Variants in PCSK2 observed in about 807,000 individuals in gnomAD.
The protein encoded by PCSK2 is neuroendocrine convertase 2.
In PCSK2, 14 loss-of-function variants were observed where a neutral mutation model predicts 69.7. The observed-to-expected ratio is 0.20, with a 90% confidence interval of 0.13 to 0.31. The LOEUF is 0.31. Ranked by LOEUF, PCSK2 falls within the 10% of genes least tolerant of loss-of-function variation. The probability of loss-of-function intolerance (pLI) is 1.00; values close to 1 mark genes in which losing one functional copy is unlikely to be tolerated. For missense variants in PCSK2, 544 were observed against 842.5 expected, an observed-to-expected ratio of 0.65 and a Z score of 4.39; for synonymous variants, 307 against 320.7, an observed-to-expected ratio of 0.96 and a Z score of 0.46.
At chr20:17,412,834 C>A (rs1038576580) in intron 6 of PCSK2, among the ~76,000 whole-genome samples, 29 of 152,202 alleles carry the variant, frequency 1.9e-4, no homozygotes, top group Non-Finnish European at 3.4e-4. Context: ...GCAGATCTCT[C>A]AGCAGAAACC....
At chr20:17,435,274 T>C (rs1011669326) in intron 7 of PCSK2, among the ~76,000 whole-genome samples, 1 of 152,228 alleles carries the variant, frequency 6.6e-6, no homozygotes, top group African/African-American at 2.4e-5. Context: ...ATACCAAGCA[T>C]CATGTTGATC....
At chr20:17,227,544 C>G in intron 1 of PCSK2, 62 bp downstream of exon 1, 1 of 1,331,100 alleles carries the variant, frequency 7.5e-7, no homozygotes, top group Non-Finnish European at 1.1e-6. Flanking sequence ...GGCAGCCCTG[C>G]GCAATCTCAT....
chr20:17,469,391 C>T (rs2033162971), intron 11 of PCSK2, among the ~76,000 whole-genome samples: 1 of 152,210 alleles, frequency 6.6e-6, no homozygotes, highest in East Asian at 1.9e-4. Context: ...GCCTTAACAA[C>T]AAACTGGTCC....
At chr20:17,393,916 T>C (rs1412403354) in intron 5 of PCSK2, among the ~76,000 whole-genome samples, 2 of 152,292 alleles carry the variant, frequency 1.3e-5, no homozygotes, top group South Asian at 2.1e-4. Flanking sequence ...AGTACAGTAA[T>C]GGAAAGCTGA....
At chr20:17,456,676 G>C (rs151169683) in intron 10 of PCSK2, among the ~76,000 whole-genome samples, 59 of 152,320 alleles carry the variant, frequency 3.9e-4, no homozygotes, top group Non-Finnish European at 7.4e-4. Context: ...ATTCCTGGGA[G>C]CACACAACAC....
intron 11 of PCSK2, among the ~76,000 whole-genome samples, chr20:17,470,448 A>G (rs2033180191): frequency 1.3e-5 from 2 of 152,212 alleles, no homozygotes. Flanking sequence ...TGGAGATTTA[A>G]TAACATAAAC....
chr20:17,378,689 A>T (rs1435267177), intron 5 of PCSK2, among the ~76,000 whole-genome samples: 1 of 151,748 alleles, frequency 6.6e-6, no homozygotes, highest in Non-Finnish European at 1.5e-5. Context: ...AGATGGATGG[A>T]TAGATGGATG....
At chr20:17,399,159 A>C (rs1402217793) in intron 5 of PCSK2, among the ~76,000 whole-genome samples, 3 of 152,238 alleles carry the variant, frequency 2.0e-5, no homozygotes, top group Non-Finnish European at 4.4e-5. Flanking sequence ...AAGTGGCAGG[A>C]TGGGTATTTT....
chr20:17,269,681 A>C (rs1987782955), intron 2 of PCSK2, among the ~76,000 whole-genome samples: 1 of 152,158 alleles, frequency 6.6e-6, no homozygotes, highest in East Asian at 1.9e-4. Flanking sequence ...TCTAGCTCTT[A>C]AACCTGCAAT....
At position 17,323,131 on chromosome 20, in the gene PCSK2, C is replaced by T. The variant is rs180822093; in HGVS notation, c.283-35196C>T. Among the ~76,000 whole-genome samples, 179 of 152,314 alleles carry T rather than the reference C, an allele frequency of 1.2e-3. 1 individual carries two copies. Among genetic ancestry groups the T allele is most frequent in the Admixed American group, 2.2e-3 (33 of 15,306 alleles). ...CCGCCCACCTCAGCCTTCCAAAATG[C>T]TGGGATTACAGGCGTGAGTCACCGC... On this transcript the variant is annotated intron_variant, in intron 2 of 11. Coordinates refer to ENST00000262545, the MANE Select transcript of PCSK2 (RefSeq NM_002594.5).
rs756798089 is a variant in PCSK2, at chr20:17,365,513, A to G, written c.506-3727A>G. On this transcript the variant is annotated intron_variant, in intron 4 of 11. Coordinates refer to ENST00000262545, the MANE Select transcript of PCSK2 (RefSeq NM_002594.5). ...CACTTTTTCTAGCCCAGTAGCCCCA[A>G]AAGTCTTGATTTGTTCCAGCACCAA... is the stretch of plus-strand genomic sequence containing the variant. 1.4e-4 allele frequency among the ~76,000 whole-genome samples: 21 copies of G among 152,232 alleles called. No homozygotes were observed. In the South Asian group the frequency reaches 2.1e-3, roughly 15 times the overall value.
chr20:17,312,498 C>T (rs967827741), intron 2 of PCSK2, among the ~76,000 whole-genome samples: 1 of 151,974 alleles, frequency 6.6e-6, no homozygotes, highest in Admixed American at 6.6e-5. Flanking sequence ...ACAAGAAAGC[C>T]AAGCACGAAG....
intron 7 of PCSK2, among the ~76,000 whole-genome samples, chr20:17,434,203 CT>C (rs1283485159): frequency 1.7e-4 from 26 of 149,886 alleles, no homozygotes; most frequent in African/African-American, 6.4e-4. Context: ...CTCTCTCTCT[CT>C]CTCTCCCAGT....
intron 2 of PCSK2, among the ~76,000 whole-genome samples, chr20:17,337,203 T>A (rs1320001785): frequency 6.6e-6 from 1 of 152,190 alleles, no homozygotes; most frequent in Non-Finnish European, 1.5e-5. Context: ...AATATGTGCT[T>A]CCTAAAGGAT....
At chr20:17,421,896 GA>G (rs1182977850) in intron 6 of PCSK2, among the ~76,000 whole-genome samples, 2 of 141,646 alleles carry the variant, frequency 1.4e-5, no homozygotes, top group African/African-American at 2.6e-5. Context: ...CAAAATGCCT[GA>G]AAAAAATACA....
intron 6 of PCSK2, among the ~76,000 whole-genome samples, chr20:17,410,111 C>A (rs563518679): frequency 1.2e-4 from 18 of 152,046 alleles, no homozygotes; most frequent in African/African-American, 3.6e-4. Context: ...ATATGATGTG[C>A]AGAGCACTTT....
chr20:17,414,151 A>G (rs2031942783), intron 6 of PCSK2, among the ~76,000 whole-genome samples: 1 of 152,204 alleles, frequency 6.6e-6, no homozygotes, highest in Admixed American at 6.5e-5. Flanking sequence ...ACAAATTCAA[A>G]AGCTAGCAGA....
intron 8 of PCSK2, among the ~76,000 whole-genome samples, chr20:17,437,180 G>T (rs1257496658): frequency 6.6e-6 from 1 of 152,336 alleles, no homozygotes; most frequent in Non-Finnish European, 1.5e-5. Context: ...CGCCAAAGCT[G>T]CCCATCACAG....
intron 2 of PCSK2, among the ~76,000 whole-genome samples, chr20:17,337,538 T>C (rs538893937): frequency 2.6e-5 from 4 of 152,326 alleles, no homozygotes; most frequent in Admixed American, 2.6e-4. Flanking sequence ...TAAAATTGGC[T>C]TTTCTATCCA....
Sources: allele counts gnomAD v4.1 joint callset (sites outside exome capture counted in the v4.1 genomes callset), GRCh38; gene constraint gnomAD v4.1.1; transcripts MANE v1.5; gene names NCBI Gene and HGNC (gene_info 2026-07-23, HGNC 2026-07-21).